Variants in KANK1 observed in about 807,000 individuals in gnomAD.
KANK1 encodes KN motif and ankyrin repeat domain-containing protein 1.
A neutral mutation model predicts 106.2 loss-of-function variants in KANK1; 109 were observed. The ratio of observed to expected loss-of-function variants is 1.03; its 90% CI spans 0.88 to 1.20. The LOEUF (loss-of-function observed/expected upper bound fraction) is 1.20. Among genes scored for constraint, KANK1 ranks in the 50% most tolerant of loss-of-function variants. The pLI is 0.00. For synonymous variants in KANK1, 873 were observed against 652.2 expected, an observed-to-expected ratio of 1.34 and a Z score of -5.16; for missense variants, 2,399 against 1,710.7, an observed-to-expected ratio of 1.40 and a Z score of -7.10.
intron 1 of KANK1, among the ~76,000 whole-genome samples, chr9:665,256 G>T (rs12335525): frequency 0.018 from 2,745 of 152,230 alleles, 88 homozygotes; most frequent in African/African-American, 0.063. Flanking sequence ...CAATGTCCTG[G>T]AGCATTTCCC....
intron 1 of KANK1, among the ~76,000 whole-genome samples, chr9:516,124 A>G (rs1000192153): frequency 1.3e-5 from 2 of 151,564 alleles, no homozygotes; most frequent in Non-Finnish European, 2.9e-5. Flanking sequence ...GGTCTTAAAT[A>G]TCTGTAAGGT....
chr9:621,464 C>T (rs554292621), intron 1 of KANK1, among the ~76,000 whole-genome samples: 1 of 152,114 alleles, frequency 6.6e-6, no homozygotes, highest in Admixed American at 6.5e-5. Flanking sequence ...ACAGGGATTT[C>T]TGATCAAGTG....
At chr9:675,075 C>T (rs1036700026) in intron 1 of KANK1, among the ~76,000 whole-genome samples, 18 of 152,056 alleles carry the variant, frequency 1.2e-4, no homozygotes, top group African/African-American at 4.3e-4. Flanking sequence ...GATTTCATCA[C>T]CCAGAGGCAA....
chr9:546,008 A>G (rs1202772496), intron 1 of KANK1, among the ~76,000 whole-genome samples: 1 of 152,026 alleles, frequency 6.6e-6, no homozygotes, highest in Non-Finnish European at 1.5e-5. Flanking sequence ...TTGGCCTCCA[A>G]AGTGCTGGGA....
At chr9:550,459 A>T (rs929284668) in intron 1 of KANK1, among the ~76,000 whole-genome samples, 3 of 152,130 alleles carry the variant, frequency 2.0e-5, no homozygotes, top group African/African-American at 7.2e-5. Context: ...TTATCAAAAC[A>T]CCACGCCAGG....
intron 1 of KANK1, among the ~76,000 whole-genome samples, chr9:549,914 C>A (rs927961772): frequency 1.3e-5 from 2 of 152,036 alleles, no homozygotes; most frequent in African/African-American, 4.8e-5. Context: ...TGGGGGGTGG[C>A]ACGCACAAAG....
intron 3 of KANK1, chr9:495,479 C>T (rs535044403): frequency 6.6e-6 from 1 of 152,124 alleles, no homozygotes; most frequent in Admixed American, 6.5e-5. Flanking sequence ...TTGACTTTAC[C>T]CACCTTCCTG....
At chr9:635,806 C>T (rs7047345) in intron 1 of KANK1, among the ~76,000 whole-genome samples, 1 of 142,194 alleles carries the variant, frequency 7.0e-6, no homozygotes, top group Admixed American at 7.7e-5. Context: ...TCAGGTGATT[C>T]TCCTGTCTCA....
At chr9:742,469 A>G in intron 10 of KANK1, 64 bp downstream of exon 10, 1 of 1,382,766 alleles carries the variant, frequency 7.2e-7, no homozygotes, top group East Asian at 2.3e-5. Flanking sequence ...GAGCTCTGGG[A>G]GTGCCTTTTG....
At chr9:532,584 T>C (rs2060114808) in intron 1 of KANK1, among the ~76,000 whole-genome samples, 1 of 151,994 alleles carries the variant, frequency 6.6e-6, no homozygotes, top group Non-Finnish European at 1.5e-5. Context: ...GTTCTAACTG[T>C]TTTATTTTTA....
At chr9:625,813 A>T (rs917283587) in intron 1 of KANK1, among the ~76,000 whole-genome samples, 5 of 152,182 alleles carry the variant, frequency 3.3e-5, no homozygotes, top group African/African-American at 1.2e-4. Context: ...CTGTGTACTT[A>T]AAGTCTGTGA....
intron 2 of KANK1, chr9:677,635 C>G (rs574539819): frequency 1.3e-5 from 2 of 152,302 alleles, no homozygotes; most frequent in South Asian, 2.1e-4. Flanking sequence ...AGACACATCA[C>G]CATAGGGACA....
chr9:528,316 T>C (rs1433010639), intron 1 of KANK1, among the ~76,000 whole-genome samples: 2 of 151,954 alleles, frequency 1.3e-5, no homozygotes, highest in Non-Finnish European at 2.9e-5. Flanking sequence ...TTTCATTGAA[T>C]TTGCATTTTC....
intron 1 of KANK1, among the ~76,000 whole-genome samples, chr9:582,610 C>G (rs2135339469): frequency 6.6e-6 from 1 of 152,196 alleles, no homozygotes; most frequent in African/African-American, 2.4e-5. Context: ...ATAGCACAAC[C>G]AATGCATTTA....
chr9:497,779 G>A (rs1206958377), intron 3 of KANK1, among the ~76,000 whole-genome samples: 1 of 151,872 alleles, frequency 6.6e-6, no homozygotes, highest in African/African-American at 2.4e-5. Context: ...GTTGAGCCCG[G>A]GAGGTCAAGG....
chr9:522,555 G>T (rs1462377542), intron 1 of KANK1, among the ~76,000 whole-genome samples: 2 of 151,750 alleles, frequency 1.3e-5, no homozygotes, highest in Non-Finnish European at 1.5e-5. Context: ...TCATGAGGAA[G>T]GGGGTCCTGG....
chr9:533,621 TC>T (rs2060164264), intron 1 of KANK1, among the ~76,000 whole-genome samples: 1 of 152,228 alleles, frequency 6.6e-6, no homozygotes, highest in South Asian at 2.1e-4. Context: ...ATCTGGACTG[TC>T]CCTGGTTTGA....
At chr9:528,940 C>T (rs149219796) in intron 1 of KANK1, among the ~76,000 whole-genome samples, 2 of 152,184 alleles carry the variant, frequency 1.3e-5, no homozygotes, top group African/African-American at 4.8e-5. Context: ...GCTGGGACTA[C>T]AGGTGCATAC....
At chr9:481,614 C>T (rs1007885) in intron 3 of KANK1, among the ~76,000 whole-genome samples, 3,834 of 152,242 alleles carry the variant, frequency 0.025, 149 homozygotes, top group African/African-American at 0.086. Flanking sequence ...GCAAAAAGCT[C>T]ATGACGGCTC....
Sources: gnomAD v4.1 joint callset for allele counts (sites outside exome capture counted in the v4.1 genomes callset) on GRCh38, gnomAD v4.1.1 for gene constraint, MANE v1.5 for transcripts, NCBI Gene and HGNC (gene_info 2026-07-23, HGNC 2026-07-21) for gene names.